Variants in KBTBD2 observed in about 807,000 individuals in gnomAD.
KBTBD2 encodes the protein kelch repeat and BTB domain containing 2.
In KBTBD2, 17 loss-of-function variants were observed where a neutral mutation model predicts 57.1. The ratio of observed to expected loss-of-function variants is 0.30; its 90% CI spans 0.20 to 0.45. The LOEUF (loss-of-function observed/expected upper bound fraction) is 0.45. KBTBD2 is among the 20% of genes least tolerant of loss of function. The pLI is 1.00. For missense variants in KBTBD2, 515 were observed against 750.6 expected (o/e 0.69, Z 3.67); for synonymous variants, 267 against 262.7 (o/e 1.02, Z -0.16).
At position 32,879,746 on chromosome 7, in the gene KBTBD2, A is replaced by C. The variant is rs1784402607; in HGVS notation, c.-142T>G. On this transcript the variant is annotated 5_prime_UTR_variant, in exon 2 of 4. The change creates a new upstream start codon in the 5' untranslated region. Coordinates refer to ENST00000304056, the MANE Select transcript of KBTBD2 (RefSeq NM_015483.3). ...CAGTACCAAGACTGACACATTCACT[A>C]ATGAGTAATATCTTGTTACACAGAC... 6.2e-6 allele frequency: 4 copies of C among 647,050 alleles called. No individual in the cohort carries two copies. The highest frequency in any genetic ancestry group is 1.1e-5 in the Non-Finnish European group (4 of 370,720). 40.1% of individuals were successfully genotyped at this position (647,050 alleles called of 1,614,324 possible).
Position 32,879,840 on chromosome 7 carries a change from A to G in KBTBD2, c.-236T>C. On this transcript the variant is annotated 5_prime_UTR_variant, in exon 2 of 4. An upstream start codon of the reference 5' UTR is lost. Coordinates refer to ENST00000304056, the MANE Select transcript of KBTBD2 (RefSeq NM_015483.3). Reference sequence around the variant, plus strand: ...GAGTTTTTCAACACAGTCTGCAGACATTGTGCTCAAATCTGCAATTGTGCA... The same window carrying G: ...GAGTTTTTCAACACAGTCTGCAGACGTTGTGCTCAAATCTGCAATTGTGCA... 1 of 427,724 alleles carries G rather than the reference A, an allele frequency of 2.3e-6. No individual in the cohort carries two copies. The highest frequency in any genetic ancestry group is 4.4e-5 in the East Asian group (1 of 22,602). 26.5% of individuals were successfully genotyped at this position (427,724 alleles called of 1,614,324 possible). A position where few individuals can be genotyped will look rare whatever the true frequency, so the allele number is the denominator to read the frequency against.
chr7:32,881,406 T>C (rs1179343744), intron 1 of KBTBD2, among the ~76,000 whole-genome samples: 1 of 152,182 alleles, frequency 6.6e-6, no homozygotes, highest in East Asian at 1.9e-4. Flanking sequence ...ACCTCTTTTT[T>C]CACCAACTGT....
Position 32,879,825 on chromosome 7 carries a change from A to C in KBTBD2, c.-221T>G. Reference sequence around the variant, plus strand: ...TAATTAGGTTCTTCAGAGTTTTTCAACACAGTCTGCAGACATTGTGCTCAA... The same window carrying C: ...TAATTAGGTTCTTCAGAGTTTTTCACCACAGTCTGCAGACATTGTGCTCAA... On this transcript the variant is annotated 5_prime_UTR_variant, in exon 2 of 4. Coordinates refer to ENST00000304056, the MANE Select transcript of KBTBD2 (RefSeq NM_015483.3). 2.2e-6 allele frequency: 1 copy of C among 455,350 alleles called. No homozygotes were observed. Among genetic ancestry groups the C allele is most frequent in the South Asian group, 3.2e-5 (1 of 31,276 alleles). The allele number at this position is 455,350 out of a possible 1,614,324, so 28.2% of individuals were successfully genotyped here.
chr7:32,876,781 C>A (rs1403880728), intron 2 of KBTBD2, among the ~76,000 whole-genome samples: 1 of 152,008 alleles, frequency 6.6e-6, no homozygotes, highest in Non-Finnish European at 1.5e-5. Flanking sequence ...CATGGTGAAA[C>A]CCTGTCTCCA....
upstream of KBTBD2, chr7:32,892,057 G>C (rs1784773459): frequency 6.6e-6 from 1 of 151,374 alleles, no homozygotes; most frequent in African/African-American, 2.4e-5. Context: ...AGTTTCCCGG[G>C]TCCTCGCGAC....
chr7:32,876,659 C>T (rs1346651862), intron 2 of KBTBD2, among the ~76,000 whole-genome samples: 1 of 152,104 alleles, frequency 6.6e-6, no homozygotes, highest in Non-Finnish European at 1.5e-5. Context: ...GAAATGAATA[C>T]AAAAACCACT....
At chr7:32,875,913 A>C (rs1784302499) in intron 2 of KBTBD2, among the ~76,000 whole-genome samples, 1 of 152,190 alleles carries the variant, frequency 6.6e-6, no homozygotes, top group African/African-American at 2.4e-5. Context: ...CTATAAATAG[A>C]CACAAAGTGA....
At chr7:32,882,354 G>A (rs550217241) in intron 1 of KBTBD2, among the ~76,000 whole-genome samples, 6 of 152,082 alleles carry the variant, frequency 3.9e-5, no homozygotes, top group African/African-American at 7.2e-5. Context: ...GCAGGCTAGC[G>A]GTACAGGCTC....
chr7:32,878,855 T>A (rs1784380364), intron 2 of KBTBD2, among the ~76,000 whole-genome samples: 1 of 152,216 alleles, frequency 6.6e-6, no homozygotes, highest in Non-Finnish European at 1.5e-5. Context: ...ATGTATTTGT[T>A]ATTAGCAAAG....
Position 32,870,076 on chromosome 7 carries a change from A to T in KBTBD2, c.1141T>A (p.Tyr381Asn). The T allele has an allele frequency of 6.2e-7, 1 of 1,614,208 alleles. No individual in the cohort carries two copies. The highest frequency in any genetic ancestry group is 8.5e-7 in the Non-Finnish European group (1 of 1,180,030). ...IKPSLVCCEG[Y>N]IYAIGGDSVG... ...CTATCTCCTCCAATTGCATAGATAT[A>T]GCCTTCACAGCAAACCAAAGATGGC... The change falls in exon 4 of 4, where the codon TAT becomes AAT. Residue 381 changes from tyrosine (Y) to asparagine (N), a missense_variant. Coordinates refer to ENST00000304056, the MANE Select transcript of KBTBD2 (RefSeq NM_015483.3).
chr7:32,873,525 G>A (rs1784233270), intron 3 of KBTBD2, among the ~76,000 whole-genome samples: 2 of 152,014 alleles, frequency 1.3e-5, no homozygotes, highest in South Asian at 4.1e-4. Context: ...TTTGATGGCA[G>A]GAGTTCCAGA....
At chr7:32,877,143 C>T (rs1368026955) in intron 2 of KBTBD2, among the ~76,000 whole-genome samples, 9 of 151,380 alleles carry the variant, frequency 5.9e-5, no homozygotes, top group African/African-American at 1.5e-4. Context: ...TTCAGCATCC[C>T]GAGTAGCTGG....
Position 32,869,284 on chromosome 7 carries a change from T to C in KBTBD2, c.*61A>G. On this transcript the variant is annotated 3_prime_UTR_variant, in exon 4 of 4. Coordinates refer to ENST00000304056, the MANE Select transcript of KBTBD2 (RefSeq NM_015483.3). ...ATATTTAGTTCTTTCATAGCCTCTTTTGTTTAGCAAAGAAAATGACAAAGC... is the reference window on the plus strand; with the variant it reads ...ATATTTAGTTCTTTCATAGCCTCTTCTGTTTAGCAAAGAAAATGACAAAGC... 1 of 1,257,872 alleles carries C rather than the reference T, an allele frequency of 7.9e-7. No individual in the cohort carries two copies. The highest frequency in any genetic ancestry group is 1.1e-6 in the Non-Finnish European group (1 of 902,410). The allele number at this position is 1,257,872 out of a possible 1,614,324, so 77.9% of individuals were successfully genotyped here. A position where few individuals can be genotyped will look rare whatever the true frequency, so the allele number is the denominator to read the frequency against.
At chr7:32,887,581 G>A (rs758007020) in intron 1 of KBTBD2, among the ~76,000 whole-genome samples, 2 of 152,342 alleles carry the variant, frequency 1.3e-5, no homozygotes, top group South Asian at 4.1e-4. Context: ...AGGAGGGGCA[G>A]TGCGGCTATA....
chr7:32,871,240 A>C (rs1053160709), intron 3 of KBTBD2, among the ~76,000 whole-genome samples: 1 of 152,222 alleles, frequency 6.6e-6, no homozygotes, highest in Non-Finnish European at 1.5e-5. Context: ...AAAAATGTAA[A>C]TAAATCATAG....
At chr7:32,877,491 CAG>C (rs1251492837) in intron 2 of KBTBD2, among the ~76,000 whole-genome samples, 1 of 152,116 alleles carries the variant, frequency 6.6e-6, no homozygotes, top group African/African-American at 2.4e-5. Context: ...GTGGGATAGA[CAG>C]AACTGGTAAC....
In KBTBD2 at chr7:32,887,153, T is replaced by C. The variant is rs969805680; in HGVS notation, c.-339+4383A>G. 2.6e-5 allele frequency among the ~76,000 whole-genome samples: 4 copies of C among 152,146 alleles called. 1 individual carries two copies. Among genetic ancestry groups the C allele is most frequent in the Non-Finnish European group, 5.9e-5 (4 of 68,030 alleles). On this transcript the variant is annotated intron_variant, in intron 1 of 3. Coordinates refer to ENST00000304056, the MANE Select transcript of KBTBD2 (RefSeq NM_015483.3). ...GAACGAATAAAGGATTAAAGAACTA[T>C]TGAATGTGATAAAGAAACCAATCAG...
intron 1 of KBTBD2, among the ~76,000 whole-genome samples, chr7:32,883,678 C>T (rs148791475): frequency 2.0e-5 from 3 of 152,272 alleles, no homozygotes; most frequent in East Asian, 3.9e-4. Context: ...GCCAGCTTCC[C>T]CAGATTAATT....
Position 32,874,983 on chromosome 7 carries a change from T to C in KBTBD2, c.336+9A>G, listed in dbSNP as rs376806135. ...GAGACTCCGTCTAAAAAAATATATATATGCTTACCTGTAGGAAGCAAGCTG... is the reference window on the plus strand; with the variant it reads ...GAGACTCCGTCTAAAAAAATATATACATGCTTACCTGTAGGAAGCAAGCTG... On this transcript the variant is annotated intron_variant, in intron 3 of 3. Coordinates refer to ENST00000304056, the MANE Select transcript of KBTBD2 (RefSeq NM_015483.3). The C allele has an allele frequency of 5.6e-6, 9 of 1,610,986 alleles. No homozygotes were observed. Among genetic ancestry groups the C allele is most frequent in the South Asian group, 5.5e-5 (5 of 90,896 alleles).
Sources: gnomAD v4.1 joint callset for allele counts (sites outside exome capture counted in the v4.1 genomes callset) on GRCh38, gnomAD v4.1.1 for gene constraint, MANE v1.5 for transcripts, NCBI Gene and HGNC (gene_info 2026-07-23, HGNC 2026-07-21) for gene names.